HEPHL1: variants seen among roughly 807,000 people sequenced by gnomAD.
HEPHL1 encodes ferroxidase HEPHL1.
HEPHL1 carries 123 observed loss-of-function variants against 122.0 expected under a neutral mutation model. The ratio of observed to expected loss-of-function variants is 1.01; its 90% CI spans 0.87 to 1.17. The LOEUF (loss-of-function observed/expected upper bound fraction) is 1.17. Ranked by LOEUF, HEPHL1 falls within the 50% of genes most tolerant of loss-of-function variation. The pLI, the probability that HEPHL1 is intolerant of heterozygous loss-of-function variation, is 0.00. For synonymous variants in HEPHL1, 527 were observed against 508.9 expected, an observed-to-expected ratio of 1.04 and a Z score of -0.48; for missense variants, 1,452 against 1,430.5, an observed-to-expected ratio of 1.01 and a Z score of -0.24.
At chr11:94,036,976 G>A (rs1490612071) in intron 1 of HEPHL1, among the ~76,000 whole-genome samples, 1 of 152,190 alleles carries the variant, frequency 6.6e-6, no homozygotes, top group African/African-American at 2.4e-5. Flanking sequence ...TCTCACTAGG[G>A]AGTGCCAGAC....
intron 2 of HEPHL1, chr11:94,055,747 G>T: frequency 2.5e-6 from 1 of 393,254 alleles, no homozygotes; most frequent in Non-Finnish European, 4.9e-6. Context: ...GATGACTGGT[G>T]TGTTATGTGA....
At position 94,075,267 on chromosome 11, in the gene HEPHL1, C is replaced by T. The variant is rs776895739; in HGVS notation, c.1598C>T (p.Pro533Leu). The T allele has an allele frequency of 2.5e-5, 40 of 1,613,516 alleles. No homozygotes were observed. Among genetic ancestry groups the T allele is most frequent in the Non-Finnish European group, 3.3e-5 (39 of 1,179,620 alleles). ...AGCGTAAGCCCAACTGCTGGTGATC[C>T]TCCCTGTCTGACCTATCTTTACTTC... ...PESVSPTAGD[P>L]PCLTYLYFSA... Residue 533 changes from proline (P) to leucine (L), a missense_variant, in exon 9 of 20, where the codon CCT becomes CTT. Transcript: ENST00000315765.
chr11:94,105,806 G>C (rs1946403479), intron 16 of HEPHL1, among the ~76,000 whole-genome samples, 185 bp from the exon 17 acceptor site: 1 of 152,030 alleles, frequency 6.6e-6, no homozygotes, highest in Admixed American at 6.6e-5. Context: ...TCTCTTTGTA[G>C]AAGGATTTCT....
intron 1 of HEPHL1, among the ~76,000 whole-genome samples, chr11:94,037,780 C>G (rs1945740023): frequency 6.6e-6 from 1 of 151,836 alleles, no homozygotes; most frequent in Non-Finnish European, 1.5e-5. Flanking sequence ...AAAAACAGAA[C>G]AGAAAAACTG....
chr11:94,021,541 G>A lies in HEPHL1; in HGVS notation c.170+3G>A. On this transcript the variant is annotated splice_donor_region_variant and intron_variant, in intron 1 of 19. Transcript: ENST00000315765. The stretch of plus-strand genomic sequence containing the variant: ...GGGAAAAGTTTCACAGAAGACAAGT[G>A]AGTGAACTTAGGGTCCTCATTGACT... The A allele has an allele frequency of 1.2e-6, 2 of 1,601,652 alleles. No individual in the cohort carries two copies. The highest frequency in any genetic ancestry group is 1.7e-6 in the Non-Finnish European group (2 of 1,173,240).
chr11:94,105,631 T>C (rs951186821), intron 16 of HEPHL1, among the ~76,000 whole-genome samples: 4 of 152,234 alleles, frequency 2.6e-5, no homozygotes, highest in Non-Finnish European at 4.4e-5. Flanking sequence ...AATTTTTATT[T>C]ACATAAACTT....
chr11:94,065,212 C>T (rs535910264), intron 4 of HEPHL1, among the ~76,000 whole-genome samples: 1 of 152,312 alleles, frequency 6.6e-6, no homozygotes, highest in East Asian at 1.9e-4. Flanking sequence ...ACATATCCCA[C>T]CTTATTCATT....
chr11:94,093,418 CA>C, intron 12 of HEPHL1, 82 bp from the exon 13 acceptor site: 1 of 1,515,030 alleles, frequency 6.6e-7, no homozygotes, highest in Non-Finnish European at 9.1e-7. Context: ...AGCACTTCTC[CA>C]GAATACCCCT....
chr11:94,056,203 G>T (rs1408147343), intron 2 of HEPHL1, among the ~76,000 whole-genome samples: 1 of 151,806 alleles, frequency 6.6e-6, no homozygotes, highest in Non-Finnish European at 1.5e-5. Flanking sequence ...TCTTACTTTT[G>T]CTATTTGAAT....
At chr11:94,092,287 G>A (rs971369897) in intron 12 of HEPHL1, among the ~76,000 whole-genome samples, 1 of 152,198 alleles carries the variant, frequency 6.6e-6, no homozygotes, top group Admixed American at 6.5e-5. Context: ...TGTAAGGTAC[G>A]TATACAGTCT....
At chr11:94,062,919 T>TG (rs1945998435) in intron 2 of HEPHL1, among the ~76,000 whole-genome samples, 1 of 152,212 alleles carries the variant, frequency 6.6e-6, no homozygotes, top group Non-Finnish European at 1.5e-5. Context: ...CTCTGGGGTA[T>TG]GCCATATATT....
intron 1 of HEPHL1, among the ~76,000 whole-genome samples, chr11:94,037,010 G>A (rs546798656): frequency 2.6e-3 from 399 of 152,250 alleles, no homozygotes; most frequent in African/African-American, 8.0e-3. Flanking sequence ...CAGTGGGTGC[G>A]CGCACCGTGC....
Position 94,111,769 on chromosome 11 carries a change from CT to C in HEPHL1, c.3359del (p.Phe1120SerfsTer8). The C allele has an allele frequency of 6.3e-7, 1 of 1,599,636 alleles. No homozygotes were observed. The highest frequency in any genetic ancestry group is 8.5e-7 in the Non-Finnish European group (1 of 1,173,356). On this transcript the variant is annotated frameshift_variant, in exon 20 of 20. Coordinates refer to ENST00000315765, the MANE Select transcript of HEPHL1 (RefSeq NM_001098672.2). LOFTEE classifies it low-confidence loss of function (END_TRUNC). The stretch of plus-strand genomic sequence containing the variant: ...AGGAGCCAAGGCAGCCTTGGTCATC[CT>C]TTTCATCATTGGACTCCTCCTTCTA... Reference protein sequence around the residue: ...PTGAKAALVILFIIGLLLLIT... With the variant: ...PTGAKAALVIXFIIGLLLLIT...
At chr11:94,096,573 G>A (rs1274023169) in intron 13 of HEPHL1, among the ~76,000 whole-genome samples, 3 of 152,144 alleles carry the variant, frequency 2.0e-5, no homozygotes, top group Non-Finnish European at 4.4e-5. Flanking sequence ...CTATTGATTG[G>A]AATAGTTTCA....
chr11:94,023,048 A>G (rs139972290), intron 1 of HEPHL1, among the ~76,000 whole-genome samples: 2 of 152,190 alleles, frequency 1.3e-5, no homozygotes, highest in East Asian at 1.9e-4. Flanking sequence ...CAAAAATTCT[A>G]TGAGGGATTT....
At chr11:94,073,530 C>A in intron 8 of HEPHL1, 91 bp downstream of exon 8, 1 of 1,274,690 alleles carries the variant, frequency 7.8e-7, no homozygotes. Flanking sequence ...TGGTCCTTTC[C>A]ATTACCTGCC....
intron 17 of HEPHL1, among the ~76,000 whole-genome samples, chr11:94,108,026 T>A (rs1387994256): frequency 2.0e-5 from 3 of 152,180 alleles, no homozygotes; most frequent in Admixed American, 6.5e-5. Flanking sequence ...GAACTCCATA[T>A]GTTGCACATC....
rs1680663503 is a variant in HEPHL1 at position 94,073,443 on chromosome 11, A to C, written c.1504+4A>C. The C allele has an allele frequency of 6.4e-7, 1 of 1,552,430 alleles. No individual in the cohort carries two copies. The highest frequency in any genetic ancestry group is 8.7e-7 in the Non-Finnish European group (1 of 1,147,002). On this transcript the variant is annotated splice_donor_region_variant and intron_variant, in intron 8 of 19. Coordinates refer to ENST00000315765, the MANE Select transcript of HEPHL1 (RefSeq NM_001098672.2). ...GATGCAGCCCCAAACCTAGATGGTAAGTCTCACTCTGGGCTTAGGGAGGAA... is the reference window on the plus strand; with the variant it reads ...GATGCAGCCCCAAACCTAGATGGTACGTCTCACTCTGGGCTTAGGGAGGAA...
At chr11:94,037,052 C>A (rs1048019280) in intron 1 of HEPHL1, among the ~76,000 whole-genome samples, 4 of 152,176 alleles carry the variant, frequency 2.6e-5, no homozygotes, top group African/African-American at 9.7e-5. Flanking sequence ...CATTGCCTCA[C>A]CTGGGAAGCG....
Sources: gnomAD v4.1 joint callset for allele counts (sites outside exome capture counted in the v4.1 genomes callset) on GRCh38, gnomAD v4.1.1 for gene constraint, MANE v1.5 for transcripts, NCBI Gene and HGNC (gene_info 2026-07-23, HGNC 2026-07-21) for gene names.